Variants in EPS8L2 observed in about 807,000 individuals in gnomAD.
EPS8L2 encodes EPS8 signaling adaptor L2.
In EPS8L2, 81 loss-of-function variants were observed where a neutral mutation model predicts 99.4. The ratio of observed to expected loss-of-function variants is 0.82; its 90% confidence interval spans 0.68 to 0.98. The LOEUF is 0.98. Among genes scored for constraint, EPS8L2 ranks in the 50% least tolerant of loss-of-function variants. The probability of loss-of-function intolerance (pLI) is 0.00; values close to 1 mark genes in which losing one functional copy is unlikely to be tolerated. For synonymous variants in EPS8L2, 509 were observed against 407.3 expected (o/e 1.25, Z -3.01); for missense variants, 1,155 against 968.8 (o/e 1.19, Z -2.55).
chr11:714,933 C>A (rs1346361529), intron 4 of EPS8L2, among the ~76,000 whole-genome samples: 1 of 152,070 alleles, frequency 6.6e-6, no homozygotes, highest in Non-Finnish European at 1.5e-5. Flanking sequence ...AGTATTCCCT[C>A]CTCTTCTGTT....
intron 4 of EPS8L2, among the ~76,000 whole-genome samples, chr11:717,131 C>G (rs1427564625): frequency 6.6e-6 from 1 of 152,144 alleles, no homozygotes; most frequent in Non-Finnish European, 1.5e-5. Flanking sequence ...CGCCCACCAC[C>G]ACGCCGGGCT....
chr11:723,466 G>T, intron 15 of EPS8L2, 113 bp downstream of exon 15: 2 of 466,512 alleles, frequency 4.3e-6, no homozygotes, highest in South Asian at 5.0e-5. Context: ...TTGTTCAAGT[G>T]GTTTAAAATA....
Position 721,019 on chromosome 11 carries a change from A to G in EPS8L2, c.558-45A>G, listed in dbSNP as rs7126891. 4.9e-3 allele frequency: 5,223 copies of G among 1,061,186 alleles called. 205 individuals are homozygous for G. The African/African-American group carries it at 0.12, about 25-fold the overall frequency. 65.7% of individuals were successfully genotyped at this position (1,061,186 alleles called of 1,614,324 possible). A position where few individuals can be genotyped will look rare whatever the true frequency, so the allele number is the denominator to read the frequency against. On this transcript the variant is annotated intron_variant, in intron 7 of 20. Transcript: ENST00000318562. ...AGGAGCCCGGCAGGGAGGGAGGGTC[A>G]GGTGCGTTCCCGGCGGGGCTGAGCA... is the stretch of plus-strand genomic sequence containing the variant.
chr11:723,325 C>A lies in EPS8L2; in HGVS notation c.1426C>A (p.Pro476Thr). The change falls in exon 15 of 21, where the codon CCA (proline) becomes ACA (threonine). Residue 476 changes from proline (P) to threonine (T), a missense_variant. By Grantham distance (38) the Pro-to-Thr change is conservative. Transcript: ENST00000318562. ...SEPTPPGDALPPVSSPHTHRG... is the reference protein window; with the variant it reads ...SEPTPPGDALTPVSSPHTHRG... The stretch of plus-strand genomic sequence containing the variant: ...GCCCACCCCCCCGGGGGATGCCCTA[C>A]CACCAGTCAGCTCCCCACATACTCA... 1 of 1,591,832 alleles carries A rather than the reference C, an allele frequency of 6.3e-7. No homozygotes were observed. The highest frequency in any genetic ancestry group is 1.3e-5 in the African/African-American group (1 of 74,126).
At chr11:709,858 C>G in intron 3 of EPS8L2, 1 of 586,918 alleles carries the variant, frequency 1.7e-6, no homozygotes, top group Non-Finnish European at 3.0e-6. Context: ...TTCCGCTGCA[C>G]TCATTGCTGT....
At chr11:714,674 AT>A (rs1040946412) in intron 4 of EPS8L2, among the ~76,000 whole-genome samples, 2 of 72,898 alleles carry the variant, frequency 2.7e-5, no homozygotes, top group Middle Eastern at 6.0e-3. Flanking sequence ...ATTTTATTTT[AT>A]TTTTTTTTGA....
chr11:707,110 CCCTCCCCTCGCGGCCCCT>C (rs1477693671), intron 1 of EPS8L2, among the ~76,000 whole-genome samples: 10 of 151,800 alleles, frequency 6.6e-5, no homozygotes, highest in South Asian at 2.1e-4. Flanking sequence ...TGGCGGCGGC[CCCTCCCCTCGCGGCCCCT>C]CCTCCCCTCG....
In EPS8L2 at chr11:725,863, T is replaced by C; in HGVS notation, c.1680+16T>C. On this transcript the variant is annotated intron_variant, in intron 17 of 20. Coordinates refer to ENST00000318562, the MANE Select transcript of EPS8L2 (RefSeq NM_022772.4). The stretch of plus-strand genomic sequence containing the variant: ...GTTCGAGCAGGTGAGCCCGCGGGGG[T>C]CCCTGGGGTCGCAGCCCCCAGCTTC... 7.4e-7 allele frequency: 1 copy of C among 1,344,882 alleles called. No homozygotes were observed. The highest frequency in any genetic ancestry group is 3.9e-5 in the Admixed American group (1 of 25,402). 83.3% of individuals were successfully genotyped at this position (1,344,882 alleles called of 1,614,324 possible). A position where few individuals can be genotyped will look rare whatever the true frequency, so the allele number is the denominator to read the frequency against.
At chr11:715,618 GT>G (rs929222502) in intron 4 of EPS8L2, among the ~76,000 whole-genome samples, 1,967 of 120,004 alleles carry the variant, frequency 0.016, 12 homozygotes, top group African/African-American at 0.056. Flanking sequence ...TTTTTCTTTT[GT>G]TTTTTTTTTT....
rs1008442513 is a variant in EPS8L2, at chr11:726,807, C to G, written c.2067+56C>G. 14 of 1,579,864 alleles carry G rather than the reference C, an allele frequency of 8.9e-6. No homozygotes were observed. The African/African-American group carries it at 1.6e-4, about 18-fold the overall frequency. On this transcript the variant is annotated intron_variant, in intron 20 of 20. Coordinates refer to ENST00000318562, the MANE Select transcript of EPS8L2 (RefSeq NM_022772.4). ...CCTCCTGCCCCTGCGCCCTCCTCTC[C>G]CCCGCCCGTTCCTGGGGTCGCAGAG...
intron 12 of EPS8L2, 71 bp downstream of exon 12, chr11:722,236 C>A: frequency 6.4e-7 from 1 of 1,567,346 alleles, no homozygotes; most frequent in South Asian, 1.1e-5. Flanking sequence ...TCCCCGGGGT[C>A]GGGGTTGGGG....
At chr11:717,886 G>A (rs904800922) in intron 4 of EPS8L2, among the ~76,000 whole-genome samples, 2 of 152,068 alleles carry the variant, frequency 1.3e-5, no homozygotes, top group Admixed American at 6.6e-5. Flanking sequence ...GCAGGCGCCT[G>A]TAGTCCCAGC....
rs1397168628 is a variant in EPS8L2 at position 721,141 on chromosome 11, ACCGCGGCGGGGATTC to A, written c.638_652del (p.Arg213_Ser217del). The A allele has an allele frequency of 6.5e-7, 1 of 1,535,724 alleles. No homozygotes were observed. The highest frequency in any genetic ancestry group is 8.7e-7 in the Non-Finnish European group (1 of 1,143,620). The stretch of plus-strand genomic sequence containing the variant: ...GGCCCGGCGCCCATCCCCTTCCAGC[ACCGCGGCGGGGATTC>A]CCCGGAGGCCAAGAATCGCGTGGGC... On this transcript the variant is annotated inframe_deletion, in exon 8 of 21. Transcript: ENST00000318562.
At chr11:710,397 G>C (rs1237507147) in intron 3 of EPS8L2, 25 bp from the exon 4 acceptor site, 3 of 1,612,186 alleles carry the variant, frequency 1.9e-6, no homozygotes, top group East Asian at 2.2e-5. Flanking sequence ...CCCGTCGGGG[G>C]AGTGACTGGT....
chr11:722,481 G>C lies in EPS8L2; in HGVS notation c.1140G>C (p.Leu380=). Residue 380 remains leucine, a synonymous_variant, in exon 13 of 21, where the codon CTG becomes CTC. Coordinates refer to ENST00000318562, the MANE Select transcript of EPS8L2 (RefSeq NM_022772.4). ...PLLSRDAVDF[L]RGHLVPKEMS... The stretch of plus-strand genomic sequence containing the variant: ...TCTCCCGAGATGCCGTGGACTTCCT[G>C]CGCGGCCACCTGGTCCCTAAGGAGA... 1 of 1,613,456 alleles carries C rather than the reference G, an allele frequency of 6.2e-7. No individual in the cohort carries two copies. Among genetic ancestry groups the C allele is most frequent in the Non-Finnish European group, 8.5e-7 (1 of 1,179,928 alleles).
chr11:723,478 T>C lies in EPS8L2; in HGVS notation c.1454+125T>C, dbSNP rs1337879426. On this transcript the variant is annotated intron_variant, in intron 15 of 20. Transcript: ENST00000318562. ...GCATTGTTCAAGTGGTTTAAAATACTTTTCCAGATTTGAAGCGGTTTTCAT... is the reference window on the plus strand; with the variant it reads ...GCATTGTTCAAGTGGTTTAAAATACCTTTCCAGATTTGAAGCGGTTTTCAT... The C allele has an allele frequency of 8.9e-6, 4 of 448,124 alleles. No homozygotes were observed. The East Asian group carries it at 1.4e-4, about 16-fold the overall frequency. 27.8% of individuals were successfully genotyped at this position (448,124 alleles called of 1,614,324 possible).
In EPS8L2 at chr11:720,015, G is replaced by A. The variant is rs1243502748; in HGVS notation, c.166-47G>A. On this transcript the variant is annotated intron_variant, in intron 4 of 20. Coordinates refer to ENST00000318562, the MANE Select transcript of EPS8L2 (RefSeq NM_022772.4). ...TGTGGCCCCTGGGGGCTGGGCTTTCGACACAAGGAGGGCTCTGCCCAGCAG... is the reference window on the plus strand; with the variant it reads ...TGTGGCCCCTGGGGGCTGGGCTTTCAACACAAGGAGGGCTCTGCCCAGCAG... 5.1e-6 allele frequency: 8 copies of A among 1,558,368 alleles called. No homozygotes were observed. In the Admixed American group the frequency reaches 5.7e-5, roughly 11 times the overall value.
At chr11:710,790 G>T (rs899585328) in intron 4 of EPS8L2, among the ~76,000 whole-genome samples, 3 of 152,188 alleles carry the variant, frequency 2.0e-5, no homozygotes, top group Non-Finnish European at 4.4e-5. Flanking sequence ...GAGGAAGGGA[G>T]GAAAGCTCCA....
intron 4 of EPS8L2, among the ~76,000 whole-genome samples, chr11:716,248 A>C (rs1262636411): frequency 6.6e-6 from 1 of 151,042 alleles, no homozygotes; most frequent in Admixed American, 6.6e-5. Context: ...TCCCAGGTTC[A>C]TGCCATTCTC....
Sources: gnomAD v4.1 joint callset for allele counts (sites outside exome capture counted in the v4.1 genomes callset) on GRCh38, gnomAD v4.1.1 for gene constraint, MANE v1.5 for transcripts, NCBI Gene and HGNC (gene_info 2026-07-23, HGNC 2026-07-21) for gene names.